The following ABCA12 variants were observed in gnomAD, a reference collection of about 807,000 sequenced individuals.
ABCA12 encodes the protein glucosylceramide transporter ABCA12.
In ABCA12, 156 loss-of-function variants were observed where a neutral mutation model predicts 293.5. That is an observed-to-expected ratio of 0.53 (90% CI 0.47 to 0.61). The LOEUF is 0.61. ABCA12 is among the 20% of genes least tolerant of loss of function. The pLI is 0.00. For missense variants in ABCA12, 2,797 were observed against 3,090.2 expected (o/e 0.91, Z 2.25); for synonymous variants, 1,063 against 1,108.0 (o/e 0.96, Z 0.81).
intron 2 of ABCA12, among the ~76,000 whole-genome samples, chr2:215,088,983 A>G (rs550964864): frequency 6.6e-6 from 1 of 152,204 alleles, no homozygotes; most frequent in Non-Finnish European, 1.5e-5. Context: ...CCCTCCCTCC[A>G]TTTAATAAAT....
intron 4 of ABCA12, among the ~76,000 whole-genome samples, chr2:215,053,988 A>G (rs1402622450): frequency 6.6e-6 from 1 of 152,030 alleles, no homozygotes; most frequent in African/African-American, 2.4e-5. Flanking sequence ...ACTCAGGAAG[A>G]GTCTCTGCAC....
At chr2:215,091,820 T>C (rs559776641) in intron 2 of ABCA12, among the ~76,000 whole-genome samples, 6 of 152,334 alleles carry the variant, frequency 3.9e-5, no homozygotes, top group African/African-American at 1.2e-4. Context: ...TAAACTGCAG[T>C]GGCCAGGTGT....
chr2:215,045,785 A>G, intron 7 of ABCA12, 52 bp downstream of exon 7: 1 of 1,533,188 alleles, frequency 6.5e-7, no homozygotes, highest in Non-Finnish European at 9.0e-7. Context: ...ACATTTTTTT[A>G]AACACTTCTT....
Position 215,072,054 on chromosome 2 carries a change from G to A in ABCA12, c.164-7835C>T, listed in dbSNP as rs78159975. 7.1e-3 allele frequency among the ~76,000 whole-genome samples: 1,088 copies of A among 152,312 alleles called. 12 individuals carry two copies. Among genetic ancestry groups the A allele is most frequent in the African/African-American group, 0.025 (1,046 of 41,546 alleles). On this transcript the variant is annotated intron_variant, in intron 2 of 52. Coordinates refer to ENST00000272895, the MANE Select transcript of ABCA12 (RefSeq NM_173076.3). ...AAATCCATTGGCAAAAAGGTAGACTGTAGGTGGTAATGAGGGCTGAGGCAA... is the reference window on the plus strand; with the variant it reads ...AAATCCATTGGCAAAAAGGTAGACTATAGGTGGTAATGAGGGCTGAGGCAA...
At chr2:214,974,686 A>G in intron 35 of ABCA12, 92 bp downstream of exon 35, 2 of 1,225,366 alleles carry the variant, frequency 1.6e-6, no homozygotes, top group Non-Finnish European at 2.4e-6. Context: ...GCTTTCTTCC[A>G]GGCAAATAAC....
At position 215,012,263 on chromosome 2, in the gene ABCA12, G is replaced by A. The variant is rs1574982184; in HGVS notation, c.1957-128C>T. The A allele has an allele frequency of 8.6e-6, 7 of 816,044 alleles. No individual in the cohort carries two copies. The East Asian group carries it at 1.6e-4, about 18-fold the overall frequency. The allele number at this position is 816,044 out of a possible 1,614,324, so 50.6% of individuals were successfully genotyped here. Reference sequence around the variant, plus strand: ...TTTGAAGTTTATTAAATAGTTAAATGTAAATTTAACACTCAACCTGACAAT... The same window carrying A: ...TTTGAAGTTTATTAAATAGTTAAATATAAATTTAACACTCAACCTGACAAT... On this transcript the variant is annotated intron_variant, in intron 15 of 52. Coordinates refer to ENST00000272895, the MANE Select transcript of ABCA12 (RefSeq NM_173076.3).
chr2:214,971,350 A>C (rs1385097001), intron 36 of ABCA12, among the ~76,000 whole-genome samples: 1 of 152,196 alleles, frequency 6.6e-6, no homozygotes, highest in Non-Finnish European at 1.5e-5. Flanking sequence ...GTATTCGTGT[A>C]ATTTTTAAAT....
chr2:215,054,622 ACTG>A lies in ABCA12; in HGVS notation c.357_359del (p.Ser120del). ...GAACTTGGGTGCTCTGGAATGATAAACTGCTGTCCTTATCCAGGTTGGATGACT... is the reference window on the plus strand; with the variant it reads ...GAACTTGGGTGCTCTGGAATGATAAACTGTCCTTATCCAGGTTGGATGACT... On this transcript the variant is annotated inframe_deletion, in exon 4 of 53. Transcript: ENST00000272895. 2 of 1,612,226 alleles carry A rather than the reference ACTG, an allele frequency of 1.2e-6. No homozygotes were observed. Among genetic ancestry groups the A allele is most frequent in the Non-Finnish European group, 1.7e-6 (2 of 1,178,630 alleles).
At chr2:215,008,398 C>A (rs1031754185) in intron 18 of ABCA12, among the ~76,000 whole-genome samples, 23 of 150,308 alleles carry the variant, frequency 1.5e-4, no homozygotes, top group Middle Eastern at 6.8e-3. Flanking sequence ...GCAAGAAAAA[C>A]ACACACACAC....
chr2:215,109,179 A>G (rs1702521211), intron 2 of ABCA12, among the ~76,000 whole-genome samples: 1 of 152,026 alleles, frequency 6.6e-6, no homozygotes. Context: ...TCTATTGATT[A>G]TAGAATGTAT....
chr2:215,032,112 C>T (rs1387146601), intron 8 of ABCA12: 6 of 1,408,672 alleles, frequency 4.3e-6, no homozygotes, highest in Middle Eastern at 2.7e-4. Flanking sequence ...AAAATAATCC[C>T]GATGGTCAAG....
chr2:215,130,659 A>G (rs1278294869), intron 1 of ABCA12, among the ~76,000 whole-genome samples: 1 of 152,092 alleles, frequency 6.6e-6, no homozygotes. Flanking sequence ...GTATATGATC[A>G]TGGCATATAC....
At chr2:215,010,812 G>C (rs1215170003) in intron 17 of ABCA12, among the ~76,000 whole-genome samples, 2 of 152,118 alleles carry the variant, frequency 1.3e-5, no homozygotes, top group African/African-American at 4.8e-5. Flanking sequence ...CACTAGGATA[G>C]TACCAGATAC....
rs1282819120 is a variant in ABCA12, at chr2:215,019,378, T to C, written c.1615A>G (p.Met539Val). The change falls in exon 13 of 53, where the codon ATG becomes GTG. Residue 539 changes from methionine to valine, a missense_variant. Physicochemically the swap from Met to Val is conservative, Grantham distance 21. Coordinates refer to ENST00000272895, the MANE Select transcript of ABCA12 (RefSeq NM_173076.3). ...ITQLIPIIEA[M>V]LHVNNSADAS... ...TCTGCACTGTTATTGACATGCAGCA[T>C]GGCTTCTATGATCGGTATTAACTGA... The C allele has an allele frequency of 2.5e-6, 4 of 1,612,952 alleles. No individual in the cohort carries two copies. In the African/African-American group the frequency reaches 4.0e-5, roughly 16 times the overall value.
chr2:215,001,791 G>GT, intron 20 of ABCA12, 54 bp from the exon 21 acceptor site: 1 of 1,482,474 alleles, frequency 6.7e-7, no homozygotes, highest in Middle Eastern at 2.0e-4. Flanking sequence ...GATTCTGGTC[G>GT]TAATTAGATG....
intron 23 of ABCA12, among the ~76,000 whole-genome samples, chr2:214,997,422 G>A (rs1010838129): frequency 6.6e-6 from 1 of 151,824 alleles, no homozygotes; most frequent in African/African-American, 2.4e-5. Flanking sequence ...GTAATTTCTT[G>A]GGCAAAAAAT....
In ABCA12 at chr2:215,015,467, A is replaced by C. The variant is rs1184892475; in HGVS notation, c.1956+23T>G. ...TTTTATATAAACCATGAATATAAAC[A>C]TATTTAACCAACAGCAACTTGCCTT... On this transcript the variant is annotated intron_variant, in intron 15 of 52. Coordinates refer to ENST00000272895, the MANE Select transcript of ABCA12 (RefSeq NM_173076.3). The C allele has an allele frequency of 1.9e-6, 3 of 1,600,720 alleles. No homozygotes were observed. In the Admixed American group the frequency reaches 5.0e-5, roughly 27 times the overall value.
intron 1 of ABCA12, among the ~76,000 whole-genome samples, chr2:215,135,552 T>C (rs1467819699): frequency 6.6e-6 from 1 of 152,222 alleles, no homozygotes; most frequent in African/African-American, 2.4e-5. Flanking sequence ...TTGCTGTGAG[T>C]AAAAGTATAC....
intron 1 of ABCA12, among the ~76,000 whole-genome samples, chr2:215,129,165 G>T (rs1352691442): frequency 6.6e-6 from 1 of 152,224 alleles, no homozygotes; most frequent in East Asian, 1.9e-4. Flanking sequence ...TGGTCTCTCA[G>T]CCATGGATAC....
Sources: allele counts gnomAD v4.1 joint callset (sites outside exome capture counted in the v4.1 genomes callset), GRCh38; gene constraint gnomAD v4.1.1; transcripts MANE v1.5; gene names NCBI Gene and HGNC (gene_info 2026-07-23, HGNC 2026-07-21).